The following EHMT1 variants were observed in gnomAD, a reference collection of about 807,000 sequenced individuals.
EHMT1 encodes the protein histone-lysine N-methyltransferase EHMT1.
EHMT1 carries 15 observed loss-of-function variants against 147.2 expected under a neutral mutation model. The observed-to-expected ratio is 0.10, with a 90% CI of 0.07 to 0.16. EHMT1 has a LOEUF of 0.16. Among genes scored for constraint, EHMT1 ranks in the 10% least tolerant of loss-of-function variants. The pLI is 1.00. For synonymous variants in EHMT1, 795 were observed against 709.6 expected, an observed-to-expected ratio of 1.12 and a Z score of -1.91; for missense variants, 1,587 against 1,772.4, an observed-to-expected ratio of 0.90 and a Z score of 1.88.
chr9:137,640,573 G>C (rs1035161615), intron 1 of EHMT1, among the ~76,000 whole-genome samples: 5 of 152,230 alleles, frequency 3.3e-5, no homozygotes, highest in African/African-American at 4.8e-5. Context: ...CCCTGTGCCT[G>C]GTCTGAAATT....
At chr9:137,678,519 G>C (rs374481088) in intron 1 of EHMT1, among the ~76,000 whole-genome samples, 11 of 152,158 alleles carry the variant, frequency 7.2e-5, no homozygotes, top group African/African-American at 2.4e-4. Context: ...TGCGTGTTCT[G>C]TCTGGTGTTC....
At chr9:137,812,209 G>T (rs1414367540) in intron 19 of EHMT1, among the ~76,000 whole-genome samples, 5 of 152,152 alleles carry the variant, frequency 3.3e-5, no homozygotes, top group African/African-American at 1.2e-4. Flanking sequence ...ATGGTGGCAT[G>T]TGCCTGTAAC....
chr9:137,778,775 G>T (rs1052892373), intron 13 of EHMT1, among the ~76,000 whole-genome samples: 1 of 152,180 alleles, frequency 6.6e-6, no homozygotes, highest in African/African-American at 2.4e-5. Flanking sequence ...ATAAAGAAAT[G>T]CCCAGGGCTG....
chr9:137,744,706 G>A (rs919122548), intron 6 of EHMT1, among the ~76,000 whole-genome samples: 4 of 152,256 alleles, frequency 2.6e-5, no homozygotes, highest in Non-Finnish European at 5.9e-5. Flanking sequence ...GTGCTCGTTT[G>A]TGGTTGGCTT....
rs567410823 is a variant in EHMT1 at position 137,643,359 on chromosome 9, T to G, written c.21+24310T>G. Among the ~76,000 whole-genome samples, 19 of 146,108 alleles carry G rather than the reference T, an allele frequency of 1.3e-4. No individual in the cohort carries two copies. In the East Asian group the frequency reaches 3.3e-3, roughly 26 times the overall value. On this transcript the variant is annotated intron_variant, in intron 1 of 26. Coordinates refer to ENST00000460843, the MANE Select transcript of EHMT1 (RefSeq NM_024757.5). ...AAGGTTTTTTTTTTTTTTTTTTTTT[T>G]AGACAGAGTCTCACCCTCTCGCCCA... is the stretch of plus-strand genomic sequence containing the variant.
At chr9:137,784,105 G>A (rs565385483) in intron 15 of EHMT1, 17 of 1,355,294 alleles carry the variant, frequency 1.3e-5, no homozygotes, top group African/African-American at 2.9e-5. Context: ...ATTTCTCACA[G>A]TTCTGCAGGC....
intron 13 of EHMT1, 144 bp downstream of exon 13, chr9:137,778,199 T>C: frequency 8.4e-7 from 1 of 1,187,436 alleles, no homozygotes. Flanking sequence ...TTTCACACTA[T>C]TTTGGGAAAT....
chr9:137,654,366 C>G (rs1303789224), intron 1 of EHMT1, among the ~76,000 whole-genome samples: 2 of 130,550 alleles, frequency 1.5e-5, no homozygotes, highest in Non-Finnish European at 1.6e-5. Context: ...GACCCCACCC[C>G]CCACCCCTTA....
rs1952117637 is a variant in EHMT1, at chr9:137,787,868, G to A, written c.2383-2980G>A. On this transcript the variant is annotated intron_variant, in intron 15 of 26. Coordinates refer to ENST00000460843, the MANE Select transcript of EHMT1 (RefSeq NM_024757.5). This position sits in a 1 kb window ranked among gnomAD's most constrained non-coding sequence, Gnocchi z 4.2. ...ACGGTGGACATTGGGGATAGGAGGT[G>A]GGTGGGGGTGCCAAGGGCATTACCA... is the stretch of plus-strand genomic sequence containing the variant. 8.6e-7 allele frequency: 1 copy of A among 1,161,048 alleles called. No individual in the cohort carries two copies. Among genetic ancestry groups the A allele is most frequent in the East Asian group, 2.3e-5 (1 of 42,664 alleles). 71.9% of individuals were successfully genotyped at this position (1,161,048 alleles called of 1,614,324 possible). A position where few individuals can be genotyped will look rare whatever the true frequency, so the allele number is the denominator to read the frequency against.
chr9:137,676,635 CTTTACGCCAAATGCT>C (rs1471092314), intron 1 of EHMT1: 1 of 152,468 alleles, frequency 6.6e-6, no homozygotes, highest in African/African-American at 2.4e-5. Flanking sequence ...CCCCGCAAGC[CTTTACGCCAAATGCT>C]TTTGTGCAGA....
rs189753830 is a variant in EHMT1, at chr9:137,743,997, C to T, written c.1077C>T (p.Asp359=). The T allele has an allele frequency of 1.1e-5, 17 of 1,614,048 alleles. No homozygotes were observed. Among genetic ancestry groups the T allele is most frequent in the East Asian group, 2.2e-5 (1 of 44,874 alleles). ...DEDDSEELEE[D]DGHGAEQAAA... is the part of the protein sequence containing the mutation. ...ACGACTCAGAGGAGCTCGAGGAGGA[C>T]GACGGCCATGGTGCAGAGCAGGCGG... is the stretch of plus-strand genomic sequence containing the variant. Residue 359 remains aspartate (D), a synonymous_variant, in exon 6 of 27, where the codon GAC becomes GAT. Coordinates refer to ENST00000460843, the MANE Select transcript of EHMT1 (RefSeq NM_024757.5).
intron 1 of EHMT1, among the ~76,000 whole-genome samples, chr9:137,706,632 G>C (rs1222924266): frequency 6.7e-6 from 1 of 150,212 alleles, no homozygotes; most frequent in African/African-American, 2.5e-5. Flanking sequence ...GATTACAGGT[G>C]CCTGCCACCA....
chr9:137,684,034 G>GTT (rs142065558), intron 1 of EHMT1, among the ~76,000 whole-genome samples: 1 of 151,270 alleles, frequency 6.6e-6, no homozygotes, highest in African/African-American at 2.4e-5. Context: ...TTGTTTGTTT[G>GTT]TTTTTTTGCT....
rs932736927 is a variant in EHMT1 at position 137,775,057 on chromosome 9, A to T, written c.1648-52A>T. ...ACTGCCCAGCGCCTGGTGGGAGGGAATGCCGGCCTCTCGTGACTCTGACAT... is the reference window on the plus strand; with the variant it reads ...ACTGCCCAGCGCCTGGTGGGAGGGATTGCCGGCCTCTCGTGACTCTGACAT... On this transcript the variant is annotated intron_variant, in intron 10 of 26. Coordinates refer to ENST00000460843, the MANE Select transcript of EHMT1 (RefSeq NM_024757.5). The surrounding 1 kb of genome is among the most constrained non-coding windows in gnomAD (Gnocchi z 6.1). The T allele has an allele frequency of 2.5e-6, 4 of 1,613,034 alleles. No homozygotes were observed. In the African/African-American group the frequency reaches 5.3e-5, roughly 22 times the overall value.
At chr9:137,758,881 A>G (rs1334737032) in intron 9 of EHMT1, among the ~76,000 whole-genome samples, 1 of 152,182 alleles carries the variant, frequency 6.6e-6, no homozygotes, top group Non-Finnish European at 1.5e-5. Flanking sequence ...TAATCCCAGC[A>G]CTTTGGGAGG....
chr9:137,776,824 G>A lies in EHMT1; in HGVS notation c.1998G>A (p.Arg666=). The A allele has an allele frequency of 1.2e-6, 2 of 1,613,890 alleles. No homozygotes were observed. The highest frequency in any genetic ancestry group is 1.7e-6 in the Non-Finnish European group (2 of 1,179,980). ...AGAAGGGCTCGGCCCTGGAGGGCAG[G>A]GCCGACACCACAACGGGCAGGTACC... ...GQEKGSALEG[R]ADTTTGSAAG... The change falls in exon 12 of 27, where the codon AGG becomes AGA. Residue 666 remains arginine, a synonymous_variant. Coordinates refer to ENST00000460843, the MANE Select transcript of EHMT1 (RefSeq NM_024757.5). This position sits in a 1 kb window ranked among gnomAD's most constrained non-coding sequence, Gnocchi z 4.4.
At chr9:137,686,590 A>C (rs1489669844) in intron 1 of EHMT1, among the ~76,000 whole-genome samples, 2 of 151,578 alleles carry the variant, frequency 1.3e-5, no homozygotes, top group Non-Finnish European at 2.9e-5. Context: ...AGGGTTTGCC[A>C]TGTTGCCCAT....
intron 10 of EHMT1, among the ~76,000 whole-genome samples, chr9:137,765,797 T>A (rs1950181390): frequency 6.6e-6 from 1 of 151,982 alleles, no homozygotes; most frequent in African/African-American, 2.4e-5. Context: ...TAGCTTCCCC[T>A]GTGGCACTGC....
intron 3 of EHMT1, among the ~76,000 whole-genome samples, chr9:137,721,637 C>T (rs962945041): frequency 6.6e-5 from 10 of 150,548 alleles, no homozygotes; most frequent in Admixed American, 4.6e-4. Flanking sequence ...CTCTCCCACG[C>T]CTCTCACTCT....
Sources: allele counts gnomAD v4.1 joint callset (sites outside exome capture counted in the v4.1 genomes callset), GRCh38; gene constraint gnomAD v4.1.1; non-coding constraint Gnocchi (gnomAD v3.1); transcripts MANE v1.5; gene names NCBI Gene and HGNC (gene_info 2026-07-23, HGNC 2026-07-21).